The following MGAT4C variants were observed in gnomAD, a reference collection of about 807,000 sequenced individuals.
The protein encoded by MGAT4C is MGAT4 family member C, also known as alpha-1,3-mannosyl-glycoprotein 4-beta-N-acetylglucosaminyltransferase C.
MGAT4C carries 19 observed loss-of-function variants against 40.1 expected under a neutral mutation model. That is an observed-to-expected ratio of 0.47 (90% CI 0.33 to 0.70). MGAT4C has a LOEUF of 0.70. Among genes scored for constraint, MGAT4C ranks in the 30% least tolerant of loss-of-function variants. The pLI is 0.02. For synonymous variants in MGAT4C, 181 were observed against 187.1 expected (o/e 0.97, Z 0.27); for missense variants, 491 against 563.2 (o/e 0.87, Z 1.30).
At chr12:86,761,049 T>C (rs764700536) in intron 1 of MGAT4C, among the ~76,000 whole-genome samples, 1 of 152,188 alleles carries the variant, frequency 6.6e-6, no homozygotes, top group Non-Finnish European at 1.5e-5. Context: ...CCAAAACATA[T>C]ATTGTACATT....
chr12:86,221,118 C>T (rs890814142), intron 1 of MGAT4C, among the ~76,000 whole-genome samples: 5 of 152,208 alleles, frequency 3.3e-5, no homozygotes, highest in East Asian at 3.9e-4. Flanking sequence ...CTCAGTTGAA[C>T]GGAATCAACA....
At chr12:86,381,029 C>A (rs770695270) in intron 3 of MGAT4C, among the ~76,000 whole-genome samples, 1 of 152,010 alleles carries the variant, frequency 6.6e-6, no homozygotes, top group Non-Finnish European at 1.5e-5. Flanking sequence ...AGCATAAACA[C>A]CCAGACATAG....
chr12:86,594,328 T>A (rs1440467734), intron 2 of MGAT4C, among the ~76,000 whole-genome samples: 2 of 152,096 alleles, frequency 1.3e-5, no homozygotes, highest in Non-Finnish European at 2.9e-5. Flanking sequence ...GAGGAGTTGT[T>A]TATCAATTTT....
intron 2 of MGAT4C, among the ~76,000 whole-genome samples, chr12:86,004,456 T>C (rs557495016): frequency 1.3e-5 from 2 of 152,274 alleles, no homozygotes; most frequent in South Asian, 4.1e-4. Context: ...CCATTTTAAA[T>C]TTTTTGTCAT....
intron 2 of MGAT4C, among the ~76,000 whole-genome samples, chr12:86,445,836 A>T (rs556864192): frequency 1.3e-5 from 2 of 152,278 alleles, no homozygotes; most frequent in African/African-American, 4.8e-5. Context: ...AAATGGTTAC[A>T]TTTTATTTTG....
At chr12:86,762,344 C>A (rs1198852195) in intron 1 of MGAT4C, among the ~76,000 whole-genome samples, 1 of 152,130 alleles carries the variant, frequency 6.6e-6, no homozygotes, top group African/African-American at 2.4e-5. Context: ...AGCCACCCTG[C>A]CTGGCCCTAA....
In MGAT4C at chr12:86,251,129, C is replaced by T. The variant is rs527916765; in HGVS notation, c.-57+5110G>A. Among the ~76,000 whole-genome samples, 854 of 90,058 alleles carry T rather than the reference C, an allele frequency of 9.5e-3. 5 individuals are homozygous for T. Among genetic ancestry groups the T allele is most frequent in the Non-Finnish European group, 0.015 (676 of 45,612 alleles). 59.1% of individuals were successfully genotyped at this position (90,058 alleles called of 152,430 possible). On this transcript the variant is annotated intron_variant, in intron 1 of 4. Transcript: ENST00000611864. ...CTTACGAGGTAGGTACTTTTATTTC[C>T]CGTTTTTTTTTTTTTTTTTTATTAT...
At chr12:86,426,279 C>T (rs1412468958) in intron 3 of MGAT4C, among the ~76,000 whole-genome samples, 1 of 152,130 alleles carries the variant, frequency 6.6e-6, no homozygotes, top group Admixed American at 6.6e-5. Context: ...AAACCTTACG[C>T]TGCCATTCGT....
At chr12:86,011,252 G>T (rs1888438816) in intron 2 of MGAT4C, among the ~76,000 whole-genome samples, 1 of 152,146 alleles carries the variant, frequency 6.6e-6, no homozygotes, top group Admixed American at 6.5e-5. Flanking sequence ...TATCACAGCA[G>T]TAAATTGCAT....
At chr12:86,452,073 G>C (rs371328418) in intron 2 of MGAT4C, among the ~76,000 whole-genome samples, 16 of 151,842 alleles carry the variant, frequency 1.1e-4, no homozygotes, top group Non-Finnish European at 2.9e-5. Context: ...GTAGAAACTC[G>C]TGGGCAAATC....
At chr12:86,335,448 T>A (rs1332989381) in intron 3 of MGAT4C, among the ~76,000 whole-genome samples, 1 of 152,060 alleles carries the variant, frequency 6.6e-6, no homozygotes, top group East Asian at 1.9e-4. Flanking sequence ...CTAACTTAGA[T>A]GAGCAATATT....
chr12:86,501,201 A>G (rs1958333987), intron 2 of MGAT4C, among the ~76,000 whole-genome samples: 1 of 151,902 alleles, frequency 6.6e-6, no homozygotes, highest in Non-Finnish European at 1.5e-5. Context: ...AGTTGATAGT[A>G]TGGGAAAAAA....
At chr12:86,202,530 A>T (rs1433652389) in intron 1 of MGAT4C, among the ~76,000 whole-genome samples, 2 of 152,006 alleles carry the variant, frequency 1.3e-5, no homozygotes, top group African/African-American at 4.8e-5. Context: ...TGTTTCACTG[A>T]ATTTCTAGAT....
At chr12:86,704,286 T>A (rs1404578503) in intron 2 of MGAT4C, among the ~76,000 whole-genome samples, 2 of 152,090 alleles carry the variant, frequency 1.3e-5, no homozygotes, top group African/African-American at 4.8e-5. Flanking sequence ...CCGTTGGCTA[T>A]GCTTGGATAG....
intron 2 of MGAT4C, among the ~76,000 whole-genome samples, chr12:86,544,111 A>C (rs1959181393): frequency 6.6e-6 from 1 of 152,166 alleles, no homozygotes; most frequent in African/African-American, 2.4e-5. Context: ...TGGCCAAACA[A>C]GTCACATAGC....
chr12:86,102,758 C>G (rs1875336878), intron 1 of MGAT4C, among the ~76,000 whole-genome samples: 1 of 152,080 alleles, frequency 6.6e-6, no homozygotes, highest in African/African-American at 2.4e-5. Context: ...CTTTACAAAA[C>G]AGTATTTTTT....
chr12:86,521,451 T>A (rs1958793555), intron 2 of MGAT4C, among the ~76,000 whole-genome samples: 1 of 152,028 alleles, frequency 6.6e-6, no homozygotes, highest in Admixed American at 6.6e-5. Context: ...GTAGCAGTAC[T>A]ATGCTGCTCT....
At chr12:86,215,409 A>G (rs1950633245) in intron 1 of MGAT4C, among the ~76,000 whole-genome samples, 2 of 152,314 alleles carry the variant, frequency 1.3e-5, no homozygotes, top group African/African-American at 4.8e-5. Context: ...CTGCCCCCAC[A>G]CATAGCAAAC....
At chr12:86,392,599 A>C (rs187001003) in intron 3 of MGAT4C, among the ~76,000 whole-genome samples, 477 of 152,346 alleles carry the variant, frequency 3.1e-3, no homozygotes, top group African/African-American at 0.011. Context: ...TAATCAAGAC[A>C]AAGTGGTGAG....
Sources: gnomAD v4.1 joint callset for allele counts (sites outside exome capture counted in the v4.1 genomes callset) on GRCh38, gnomAD v4.1.1 for gene constraint, MANE v1.5 for transcripts, NCBI Gene and HGNC (gene_info 2026-07-23, HGNC 2026-07-21) for gene names.